Variants in COL25A1 observed in about 807,000 individuals in gnomAD.
COL25A1 encodes collagen alpha-1(XXV) chain.
COL25A1 carries 103 observed loss-of-function variants against 128.4 expected under a neutral mutation model. That is an observed-to-expected ratio of 0.80 (90% CI 0.68 to 0.94). The LOEUF (loss-of-function observed/expected upper bound fraction) is 0.94. Ranked by LOEUF, COL25A1 falls within the 40% of genes least tolerant of loss-of-function variation. The pLI, the probability that COL25A1 is intolerant of heterozygous loss-of-function variation, is 0.00. For synonymous variants in COL25A1, 279 were observed against 277.2 expected, an observed-to-expected ratio of 1.01 and a Z score of -0.06; for missense variants, 745 against 840.0, an observed-to-expected ratio of 0.89 and a Z score of 1.40.
intron 3 of COL25A1, among the ~76,000 whole-genome samples, chr4:109,215,460 C>T (rs374291397): frequency 2.8e-4 from 42 of 152,252 alleles, no homozygotes; most frequent in African/African-American, 9.9e-4. Flanking sequence ...GGTCAGTCAT[C>T]AACACTTACA....
At chr4:109,079,991 C>G (rs1763703721) in intron 3 of COL25A1, among the ~76,000 whole-genome samples, 1 of 152,006 alleles carries the variant, frequency 6.6e-6, no homozygotes, top group South Asian at 2.1e-4. Flanking sequence ...ATACTAATAT[C>G]AGTTGAGTGC....
At chr4:109,065,543 C>CGT (rs1187712811) in intron 3 of COL25A1, among the ~76,000 whole-genome samples, 54 of 131,214 alleles carry the variant, frequency 4.1e-4, no homozygotes, top group South Asian at 1.7e-3. Context: ...CGCGCGCGCG[C>CGT]GCGTGTGTGT....
intron 3 of COL25A1, among the ~76,000 whole-genome samples, chr4:109,181,319 A>G (rs1460693379): frequency 1.3e-5 from 2 of 152,156 alleles, no homozygotes; most frequent in African/African-American, 2.4e-5. Context: ...TTCATGGACC[A>G]GAGTTCCATC....
chr4:109,100,021 CA>C (rs1765747401), intron 3 of COL25A1, among the ~76,000 whole-genome samples: 1 of 151,926 alleles, frequency 6.6e-6, no homozygotes, highest in African/African-American at 2.4e-5. Flanking sequence ...TCTGTAAGCC[CA>C]AAATACTCTA....
chr4:109,172,483 C>A (rs1356652117), intron 3 of COL25A1, among the ~76,000 whole-genome samples: 1 of 152,148 alleles, frequency 6.6e-6, no homozygotes, highest in Non-Finnish European at 1.5e-5. Flanking sequence ...CATGTCCTGA[C>A]CACAATCTGA....
At chr4:108,894,262 T>C (rs182431445) in intron 16 of COL25A1, among the ~76,000 whole-genome samples, 10 of 152,186 alleles carry the variant, frequency 6.6e-5, no homozygotes, top group African/African-American at 2.4e-4. Context: ...AAACAATTAT[T>C]GGCCTACATT....
chr4:108,986,709 T>G (rs970323010), intron 6 of COL25A1, among the ~76,000 whole-genome samples: 9 of 152,278 alleles, frequency 5.9e-5, no homozygotes, highest in African/African-American at 2.2e-4. Context: ...GGGTCTTGGT[T>G]CTAACAAAAC....
intron 3 of COL25A1, among the ~76,000 whole-genome samples, chr4:109,258,136 C>G (rs1781195277): frequency 6.6e-6 from 1 of 152,168 alleles, no homozygotes; most frequent in African/African-American, 2.4e-5. Context: ...CATTTCACAG[C>G]TGAACAAATG....
chr4:108,879,836 T>G (rs1469834641), intron 19 of COL25A1, among the ~76,000 whole-genome samples: 2 of 151,832 alleles, frequency 1.3e-5, no homozygotes, highest in Non-Finnish European at 2.9e-5. Flanking sequence ...TGAGATGGAG[T>G]CTTGCTCCAT....
chr4:109,030,175 G>A (rs1758700445), intron 5 of COL25A1, among the ~76,000 whole-genome samples: 1 of 152,154 alleles, frequency 6.6e-6, no homozygotes, highest in Non-Finnish European at 1.5e-5. Context: ...GAGAGGTGGT[G>A]CCTGGGTCAT....
rs1369711811 is a variant in COL25A1, at chr4:108,884,195, C to T, written c.1003G>A (p.Gly335Arg). Residue 335 changes from glycine (G) to arginine (R), a missense_variant, in exon 19 of 38, where the codon GGA becomes AGA. This residue lies in a region of COL25A1 where 387 missense variants were observed against 441.9 expected (regional missense o/e 0.88). Transcript: ENST00000399132. ...KGEPGLPGLPGLPGIKGEPGF... is the reference protein window; with the variant it reads ...KGEPGLPGLPRLPGIKGEPGF... ...GTATTTACCTTTATCCCCGGAAGTC[C>T]AGGAAGCCCAGGAAGCCCTGGTTCA... 6.2e-7 allele frequency: 1 copy of T among 1,613,674 alleles called. No individual in the cohort carries two copies. Among genetic ancestry groups the T allele is most frequent in the Admixed American group, 1.7e-5 (1 of 60,000 alleles).
At position 108,812,751 on chromosome 4, in the gene COL25A1, G is replaced by A. The variant is rs1388510039; in HGVS notation, c.*1176C>T. 2 of 152,200 alleles carry A rather than the reference G, an allele frequency of 1.3e-5. No homozygotes were observed. Among genetic ancestry groups the A allele is most frequent in the African/African-American group, 4.8e-5 (2 of 41,448 alleles). The allele number at this position is 152,200 out of a possible 1,614,324, so 9.4% of individuals were successfully genotyped here. On this transcript the variant is annotated 3_prime_UTR_variant, in exon 38 of 38. Transcript: ENST00000399132. ...AATGTTTGACATGGTTGGATCGTAG[G>A]AGGAAGGAAAGCTCTCACAACAACT... is the stretch of plus-strand genomic sequence containing the variant.
chr4:108,979,906 G>C (rs1296776377), intron 6 of COL25A1, among the ~76,000 whole-genome samples: 1 of 152,134 alleles, frequency 6.6e-6, no homozygotes, highest in African/African-American at 2.4e-5. Context: ...GATGCTATTG[G>C]AACTGGCTCT....
chr4:108,839,858 T>C (rs1419437618), intron 31 of COL25A1, among the ~76,000 whole-genome samples: 2 of 152,214 alleles, frequency 1.3e-5, no homozygotes, highest in African/African-American at 4.8e-5. Flanking sequence ...CCAATGGTGA[T>C]GGCATATCTG....
At chr4:109,130,224 G>A (rs912527130) in intron 3 of COL25A1, among the ~76,000 whole-genome samples, 2 of 152,104 alleles carry the variant, frequency 1.3e-5, no homozygotes, top group African/African-American at 4.8e-5. Context: ...CAACAGAAGA[G>A]TTTAAATTTC....
chr4:109,295,426 C>T (rs1724880951), intron 3 of COL25A1, among the ~76,000 whole-genome samples: 1 of 152,050 alleles, frequency 6.6e-6, no homozygotes, highest in South Asian at 2.1e-4. Context: ...AGAGGAATGC[C>T]TGCTATTCTC....
chr4:109,014,978 GAC>G (rs1372926239), intron 5 of COL25A1, among the ~76,000 whole-genome samples: 2 of 152,192 alleles, frequency 1.3e-5, no homozygotes, highest in African/African-American at 4.8e-5. Flanking sequence ...TCTGCAAAAA[GAC>G]AGTCCGGCAG....
intron 6 of COL25A1, among the ~76,000 whole-genome samples, chr4:109,009,874 G>A (rs1041353617): frequency 1.3e-5 from 2 of 151,972 alleles, no homozygotes; most frequent in Admixed American, 6.6e-5. Context: ...TCTGTTGACC[G>A]CATTCATGCT....
At chr4:108,821,758 G>A (rs1344692468) in intron 35 of COL25A1, among the ~76,000 whole-genome samples, 1 of 152,126 alleles carries the variant, frequency 6.6e-6, no homozygotes, top group Non-Finnish European at 1.5e-5. Context: ...TTTGTAATAT[G>A]CACTGATTCC....
Sources: gnomAD v4.1 joint callset for allele counts (sites outside exome capture counted in the v4.1 genomes callset) on GRCh38, gnomAD v4.1.1 for gene constraint, gnomAD v4.1.1 regional missense constraint, MANE v1.5 for transcripts, NCBI Gene and HGNC (gene_info 2026-07-23, HGNC 2026-07-21) for gene names.